SHLD2: variants seen among roughly 807,000 people sequenced by gnomAD.
The protein encoded by SHLD2 is shieldin complex subunit 2.
A neutral mutation model predicts 73.2 loss-of-function variants in SHLD2; 30 were observed. That is an observed-to-expected ratio of 0.41 (90% CI 0.31 to 0.56). SHLD2 has a LOEUF of 0.56. Ranked by LOEUF, SHLD2 falls within the 20% of genes least tolerant of loss-of-function variation. The pLI is 0.28. For synonymous variants in SHLD2, 285 were observed against 370.1 expected (o/e 0.77, Z 2.64); for missense variants, 745 against 1,055.9 (o/e 0.71, Z 4.08).
intron 2 of SHLD2, among the ~76,000 whole-genome samples, chr10:87,104,700 G>A (rs899776664): frequency 6.0e-5 from 9 of 149,886 alleles, no homozygotes; most frequent in African/African-American, 1.2e-4. Flanking sequence ...TTGCTCTGTC[G>A]CCCAGGCTGG....
chr10:87,118,152 C>T (rs903871416), intron 2 of SHLD2, among the ~76,000 whole-genome samples: 6 of 152,202 alleles, frequency 3.9e-5, no homozygotes, highest in Admixed American at 1.3e-4. Flanking sequence ...AATGGAAGAG[C>T]TGGGATTCAA....
intron 2 of SHLD2, among the ~76,000 whole-genome samples, chr10:87,099,527 T>G (rs1306897733): frequency 6.6e-6 from 1 of 152,240 alleles, no homozygotes; most frequent in Admixed American, 6.5e-5. Flanking sequence ...TAGTTTTTGT[T>G]GTATGACTGT....
chr10:87,170,440 G>A (rs754445962), intron 4 of SHLD2, 38 bp from the exon 5 acceptor site: 4 of 1,324,258 alleles, frequency 3.0e-6, no homozygotes, highest in Non-Finnish European at 1.0e-6. Flanking sequence ...ATATAATGTT[G>A]CCATCTTTTG....
rs193141869 is a variant in SHLD2, at chr10:87,113,777, G to A, written c.-6+16788G>A. ...ATCCCAGGCTTTGGGAGGCCGAGGC[G>A]AGTGGATCACTTGAGGCCAGGAGTT... On this transcript the variant is annotated intron_variant, in intron 2 of 9. Coordinates refer to ENST00000298786, the MANE Select transcript of SHLD2 (RefSeq NM_001330112.2). Among the ~76,000 whole-genome samples the A allele has an allele frequency of 3.0e-3, 451 of 152,220 alleles. 3 individuals are homozygous for A. The highest frequency in any genetic ancestry group is 0.01 in the African/African-American group (434 of 41,550).
chr10:87,158,001 T>A (rs187130729), intron 3 of SHLD2, 47 bp from the exon 4 acceptor site: 1 of 1,554,752 alleles, frequency 6.4e-7, no homozygotes, highest in Admixed American at 1.7e-5. Flanking sequence ...GTTAACCACA[T>A]TGTGAAGGAA....
intron 2 of SHLD2, among the ~76,000 whole-genome samples, chr10:87,144,736 C>T (rs1331244763): frequency 3.7e-4 from 48 of 131,234 alleles, no homozygotes; most frequent in African/African-American, 2.9e-4. Context: ...ACGCCATGCT[C>T]CTGCCTCAGC....
chr10:87,183,167 G>A (rs1237469855), intron 8 of SHLD2, among the ~76,000 whole-genome samples: 1 of 152,232 alleles, frequency 6.6e-6, no homozygotes, highest in Non-Finnish European at 1.5e-5. Context: ...TCGGAAAATA[G>A]TTTGCAAGAT....
chr10:87,182,374 A>G (rs553346683), intron 8 of SHLD2, among the ~76,000 whole-genome samples: 25 of 152,336 alleles, frequency 1.6e-4, no homozygotes, highest in African/African-American at 5.8e-4. Context: ...CTTAATGAAC[A>G]TTTGTGTGGC....
At chr10:87,100,440 T>G (rs535427069) in intron 2 of SHLD2, among the ~76,000 whole-genome samples, 2 of 152,234 alleles carry the variant, frequency 1.3e-5, no homozygotes, top group South Asian at 4.2e-4. Context: ...CATCCATATG[T>G]CTATCCTTAT....
In SHLD2 at chr10:87,187,715, C is replaced by T. The variant is rs1347789325; in HGVS notation, c.2515+515C>T. 2.0e-5 allele frequency among the ~76,000 whole-genome samples: 3 copies of T among 152,114 alleles called. No individual in the cohort carries two copies. The East Asian group carries it at 5.8e-4, about 29-fold the overall frequency. Reference sequence around the variant, plus strand: ...TATCTTTCAATAGTAGATTGTTTTTCGTGTATTTTTTTAGTTGGGGGTGTC... The same window carrying T: ...TATCTTTCAATAGTAGATTGTTTTTTGTGTATTTTTTTAGTTGGGGGTGTC... On this transcript the variant is annotated intron_variant, in intron 9 of 9. Coordinates refer to ENST00000298786, the MANE Select transcript of SHLD2 (RefSeq NM_001330112.2).
intron 4 of SHLD2, among the ~76,000 whole-genome samples, chr10:87,164,025 T>G (rs1450201710): frequency 6.6e-6 from 1 of 151,718 alleles, no homozygotes; most frequent in Non-Finnish European, 1.5e-5. Context: ...TGGCGTGATC[T>G]TAGCTCACTG....
chr10:87,097,403 A>G (rs1841969697), intron 2 of SHLD2, among the ~76,000 whole-genome samples: 1 of 152,140 alleles, frequency 6.6e-6, no homozygotes, highest in South Asian at 2.1e-4. Context: ...TCTACTAAAA[A>G]TACAAAAATA....
At chr10:87,181,218 C>CA (rs1240727171) in intron 8 of SHLD2, among the ~76,000 whole-genome samples, 22,060 of 107,516 alleles carry the variant, frequency 0.21, 2,408 homozygotes, top group Non-Finnish European at 0.25. Context: ...CCATCTCTAC[C>CA]AAAAAAAAAA....
At chr10:87,099,378 A>C (rs1177499899) in intron 2 of SHLD2, among the ~76,000 whole-genome samples, 1 of 152,212 alleles carries the variant, frequency 6.6e-6, no homozygotes, top group Non-Finnish European at 1.5e-5. Context: ...TTTCTGTCTC[A>C]CTAAATCAGT....
intron 2 of SHLD2, among the ~76,000 whole-genome samples, chr10:87,150,888 G>A (rs1427023186): frequency 1.2e-4 from 18 of 151,358 alleles, no homozygotes; most frequent in African/African-American, 4.4e-4. Context: ...GTGCAGTGGT[G>A]CAATCTAGGC....
intron 2 of SHLD2, among the ~76,000 whole-genome samples, chr10:87,150,334 G>T (rs544352540): frequency 2.0e-5 from 3 of 152,102 alleles, no homozygotes; most frequent in East Asian, 3.9e-4. Flanking sequence ...AAAGTGCTGC[G>T]ATTACAGGCA....
intron 6 of SHLD2, among the ~76,000 whole-genome samples, chr10:87,171,599 G>A (rs1847597482): frequency 6.6e-6 from 1 of 152,146 alleles, no homozygotes; most frequent in Non-Finnish European, 1.5e-5. Flanking sequence ...TCCTTTAGTT[G>A]TAACAAAGAC....
chr10:87,169,974 T>C (rs1234716441), intron 4 of SHLD2, among the ~76,000 whole-genome samples: 2 of 152,174 alleles, frequency 1.3e-5, no homozygotes, highest in Non-Finnish European at 2.9e-5. Flanking sequence ...AGCTGGAAAT[T>C]GGTGAGGACG....
chr10:87,111,430 C>G (rs527833493), intron 2 of SHLD2, among the ~76,000 whole-genome samples: 22 of 151,920 alleles, frequency 1.4e-4, no homozygotes, highest in African/African-American at 5.1e-4. Context: ...CACTTGAGGT[C>G]AGGAGTTCGA....
Sources: allele counts gnomAD v4.1 joint callset (sites outside exome capture counted in the v4.1 genomes callset), GRCh38; gene constraint gnomAD v4.1.1; transcripts MANE v1.5; gene names NCBI Gene and HGNC (gene_info 2026-07-23, HGNC 2026-07-21).